Variants in SERAC1 observed in about 807,000 individuals in gnomAD.
The protein encoded by SERAC1 is serine active site containing 1.
Under a neutral mutation model 85.7 loss-of-function variants are expected in SERAC1, and 36 were observed. The observed-to-expected ratio is 0.42, with a 90% CI of 0.32 to 0.55. SERAC1 has a LOEUF of 0.55. Ranked by LOEUF, SERAC1 falls within the 20% of genes least tolerant of loss-of-function variation. The probability of loss-of-function intolerance (pLI) is 0.11; values close to 1 mark genes in which losing one functional copy is unlikely to be tolerated. For missense variants in SERAC1, 629 were observed against 796.2 expected (o/e 0.79, Z 2.53); for synonymous variants, 242 against 265.3 (o/e 0.91, Z 0.85).
At chr6:158,140,782 TA>T (rs2128419089) in intron 8 of SERAC1, among the ~76,000 whole-genome samples, 1 of 152,246 alleles carries the variant, frequency 6.6e-6, no homozygotes, top group East Asian at 1.9e-4. Flanking sequence ...AGAACTGAAC[TA>T]AATTGAAGGA....
chr6:158,159,452 T>C (rs892173869), intron 1 of SERAC1, among the ~76,000 whole-genome samples: 8 of 150,276 alleles, frequency 5.3e-5, no homozygotes, highest in African/African-American at 1.5e-4. Context: ...TGAGCTGAGA[T>C]TGCGCCACTG....
At chr6:158,155,383 T>C in intron 2 of SERAC1, 32 bp from the exon 3 acceptor site, 1 of 1,362,436 alleles carries the variant, frequency 7.3e-7, no homozygotes. Flanking sequence ...TGTGATGAAT[T>C]TCATTTTTAA....
chr6:158,115,748 G>A (rs1784272152), intron 14 of SERAC1, among the ~76,000 whole-genome samples: 1 of 152,098 alleles, frequency 6.6e-6, no homozygotes. Flanking sequence ...CTCTGGGCCT[G>A]GTGTGAGCAG....
At chr6:158,113,258 A>C (rs113492555) in intron 16 of SERAC1, 191 bp downstream of exon 16, 4 of 536,692 alleles carry the variant, frequency 7.5e-6, no homozygotes, top group Non-Finnish European at 1.3e-5. Flanking sequence ...GGGCAGGGAG[A>C]GGTAATACCC....
intron 5 of SERAC1, among the ~76,000 whole-genome samples, chr6:158,148,436 A>C (rs889783213): frequency 1.3e-4 from 20 of 152,260 alleles, no homozygotes; most frequent in African/African-American, 4.3e-4. Context: ...CAAGAGAATA[A>C]TGTTAATTAC....
chr6:158,156,422 C>A (rs1454307387), intron 2 of SERAC1, among the ~76,000 whole-genome samples: 1 of 151,960 alleles, frequency 6.6e-6, no homozygotes, highest in Non-Finnish European at 1.5e-5. Context: ...AGAGATGGAT[C>A]CCTCCCCACA....
intron 2 of SERAC1, among the ~76,000 whole-genome samples, chr6:158,157,305 T>C (rs1243877107): frequency 5.3e-5 from 8 of 152,122 alleles, no homozygotes. Context: ...CCTTAACCTA[T>C]AATTTATTGC....
chr6:158,149,034 G>A (rs1785141347), intron 4 of SERAC1, 80 bp from the exon 5 acceptor site: 1 of 1,057,784 alleles, frequency 9.5e-7, no homozygotes, highest in Non-Finnish European at 1.3e-6. Flanking sequence ...CTGTCGCCCA[G>A]GTTGGAGTGC....
chr6:158,144,372 A>G lies in SERAC1; in HGVS notation c.536T>C (p.Ile179Thr), dbSNP rs749390027. ...IAQACDPKTLIGLARSEESDL... is the reference protein window; with the variant it reads ...IAQACDPKTLTGLARSEESDL... ...ACTCTCTTCGCTTCGTGCCAAACCAATAAGAGTTTTCGGATCACAGGCTTG... is the reference window on the plus strand; with the variant it reads ...ACTCTCTTCGCTTCGTGCCAAACCAGTAAGAGTTTTCGGATCACAGGCTTG... Residue 179 changes from isoleucine (I) to threonine (T), a missense_variant, in exon 7 of 17, where the codon ATT (isoleucine) becomes ACT (threonine). Transcript: ENST00000647468. 23 of 1,613,446 alleles carry G rather than the reference A, an allele frequency of 1.4e-5. No individual in the cohort carries two copies. Among genetic ancestry groups the G allele is most frequent in the South Asian group, 6.6e-5 (6 of 91,008 alleles).
chr6:158,121,746 TATAGAG>T (rs1784426876), intron 10 of SERAC1, among the ~76,000 whole-genome samples: 1 of 152,292 alleles, frequency 6.6e-6, no homozygotes, highest in African/African-American at 2.4e-5. Context: ...AAATTATATC[TATAGAG>T]ATAGACAAGT....
intron 14 of SERAC1, among the ~76,000 whole-genome samples, chr6:158,115,601 C>A (rs1238494497): frequency 6.6e-6 from 1 of 152,210 alleles, no homozygotes; most frequent in Non-Finnish European, 1.5e-5. Flanking sequence ...AGGCCACGGG[C>A]TGCAGAAAGG....
intron 8 of SERAC1, among the ~76,000 whole-genome samples, chr6:158,138,220 G>C (rs1218011685): frequency 6.6e-6 from 1 of 152,082 alleles, no homozygotes; most frequent in Non-Finnish European, 1.5e-5. Flanking sequence ...ATTACCTGAG[G>C]TCAGGAGTTC....
chr6:158,139,951 G>A (rs982070642), intron 8 of SERAC1, among the ~76,000 whole-genome samples: 5 of 152,156 alleles, frequency 3.3e-5, no homozygotes, highest in African/African-American at 1.2e-4. Context: ...TATATTGCTG[G>A]TGGGAATGTA....
At chr6:158,135,206 C>G (rs1245993810) in intron 8 of SERAC1, among the ~76,000 whole-genome samples, 1 of 152,102 alleles carries the variant, frequency 6.6e-6, no homozygotes, top group African/African-American at 2.4e-5. Context: ...TAATACCAGA[C>G]TAGATCCTGA....
At chr6:158,111,620 TTAAAAGA>T (rs879891959) in intron 16 of SERAC1, 118 bp from the exon 17 acceptor site, 12 of 723,192 alleles carry the variant, frequency 1.7e-5, no homozygotes, top group Middle Eastern at 4.2e-4. Flanking sequence ...CAAGGGACTC[TTAAAAGA>T]TAAAGGAACC....
chr6:158,126,527 C>T (rs1222052583), intron 10 of SERAC1, among the ~76,000 whole-genome samples: 1 of 151,946 alleles, frequency 6.6e-6, no homozygotes, highest in East Asian at 1.9e-4. Context: ...ACTCTTGCTT[C>T]CAGTAGAATG....
At chr6:158,137,975 GAGA>G (rs1272144215) in intron 8 of SERAC1, among the ~76,000 whole-genome samples, 1 of 152,180 alleles carries the variant, frequency 6.6e-6, no homozygotes, top group Non-Finnish European at 1.5e-5. Context: ...GAGGGTGGTG[GAGA>G]AGTTGTCAGA....
At chr6:158,113,616 CTG>C in intron 15 of SERAC1, 24 bp from the exon 16 acceptor site, 1 of 1,586,092 alleles carries the variant, frequency 6.3e-7, no homozygotes, top group Admixed American at 1.7e-5. Flanking sequence ...CAGAACAAGA[CTG>C]TGACAAGTTG....
chr6:158,130,018 C>T (rs1411266056), intron 9 of SERAC1, among the ~76,000 whole-genome samples: 1 of 152,144 alleles, frequency 6.6e-6, no homozygotes, highest in Non-Finnish European at 1.5e-5. Flanking sequence ...TATCCTGTCA[C>T]ATCTTTGGCA....
Sources: allele counts gnomAD v4.1 joint callset (sites outside exome capture counted in the v4.1 genomes callset), GRCh38; gene constraint gnomAD v4.1.1; transcripts MANE v1.5; gene names NCBI Gene and HGNC (gene_info 2026-07-23, HGNC 2026-07-21).